NEIL3: variants seen among roughly 807,000 people sequenced by gnomAD.
The protein encoded by NEIL3 is endonuclease 8-like 3.
In NEIL3, 48 loss-of-function variants were observed where a neutral mutation model predicts 57.5. The observed-to-expected ratio is 0.83, with a 90% CI of 0.66 to 1.06. The LOEUF is 1.06. Ranked by LOEUF, NEIL3 falls within the 50% of genes least tolerant of loss-of-function variation. NEIL3 has a pLI of 0.00. For missense variants in NEIL3, 717 were observed against 739.1 expected (o/e 0.97, Z 0.35); for synonymous variants, 261 against 253.2 (o/e 1.03, Z -0.29).
intron 8 of NEIL3, among the ~76,000 whole-genome samples, chr4:177,355,640 C>T (rs749311512): frequency 2.0e-5 from 3 of 152,126 alleles, no homozygotes; most frequent in Non-Finnish European, 2.9e-5. Context: ...GATTCACTGG[C>T]TTTTCCTCTT....
Position 177,311,799 on chromosome 4 carries a change from G to A in NEIL3, c.156+1690G>A, listed in dbSNP as rs957546760. Among the ~76,000 whole-genome samples, 47 of 151,926 alleles carry A rather than the reference G, an allele frequency of 3.1e-4. 1 individual carries two copies. The highest frequency in any genetic ancestry group is 1.1e-3 in the African/African-American group (46 of 41,380). On this transcript the variant is annotated intron_variant, in intron 1 of 9. Coordinates refer to ENST00000264596, the MANE Select transcript of NEIL3 (RefSeq NM_018248.3). ...GACACTGCCCTCTCATTTAGGAGTC[G>A]ACTGCAGAAATCCAGGTGACAAATT...
intron 3 of NEIL3, 74 bp from the exon 4 acceptor site, chr4:177,336,034 A>G (rs1734972267): frequency 7.7e-7 from 1 of 1,293,572 alleles, no homozygotes; most frequent in Non-Finnish European, 1.1e-6. Flanking sequence ...CTTATAGCAA[A>G]GCTCATTTTA....
intron 2 of NEIL3, among the ~76,000 whole-genome samples, chr4:177,326,654 A>T (rs1405728971): frequency 6.6e-6 from 1 of 152,134 alleles, no homozygotes; most frequent in African/African-American, 2.4e-5. Context: ...GATAATTCAC[A>T]TGCTAACATT....
intron 8 of NEIL3, 34 bp downstream of exon 8, chr4:177,353,762 T>C (rs774922831): frequency 6.6e-7 from 1 of 1,523,490 alleles, no homozygotes; most frequent in East Asian, 2.3e-5. Flanking sequence ...TTTAAGATAA[T>C]TGCTTTTTTT....
At chr4:177,333,765 G>A (rs1734924924) in intron 2 of NEIL3, among the ~76,000 whole-genome samples, 1 of 152,120 alleles carries the variant, frequency 6.6e-6, no homozygotes, top group African/African-American at 2.4e-5. Context: ...ATCTCCTTGG[G>A]TCCTACGTCT....
intron 8 of NEIL3, among the ~76,000 whole-genome samples, chr4:177,357,574 T>G (rs1160725822): frequency 1.3e-5 from 2 of 152,240 alleles, no homozygotes; most frequent in African/African-American, 4.8e-5. Flanking sequence ...TGATAGTTTT[T>G]GTCTGGTCTC....
At chr4:177,370,816 A>G in the NEIL3 span, among the ~76,000 whole-genome samples, 24,901 of 152,030 alleles carry the variant, frequency 0.16, 2,402 homozygotes, top group South Asian at 0.26. Context: ...TGGGAGGATC[A>G]CTTGAGCCAG....
intron 2 of NEIL3, among the ~76,000 whole-genome samples, chr4:177,330,854 G>A (rs1734871592): frequency 6.6e-6 from 1 of 151,966 alleles, no homozygotes; most frequent in Admixed American, 6.6e-5. Flanking sequence ...TTTATAATTA[G>A]AGTACACATT....
chr4:177,330,126 G>T (rs778070144), intron 2 of NEIL3, among the ~76,000 whole-genome samples: 28 of 152,118 alleles, frequency 1.8e-4, no homozygotes, highest in Non-Finnish European at 3.8e-4. Context: ...TGCCCAGGCT[G>T]GTCTCAAACT....
downstream of NEIL3, among the ~76,000 whole-genome samples, chr4:177,366,081 G>T (rs1735688571): frequency 6.6e-6 from 1 of 152,090 alleles, no homozygotes; most frequent in Admixed American, 6.6e-5. Context: ...AATAAAGCCA[G>T]GTGGAAATCC....
At chr4:177,317,047 G>A (rs963350503) in intron 1 of NEIL3, among the ~76,000 whole-genome samples, 1 of 152,126 alleles carries the variant, frequency 6.6e-6, no homozygotes, top group African/African-American at 2.4e-5. Context: ...GTACCTAGAA[G>A]AGTTTCTGCT....
chr4:177,335,807 C>G lies in NEIL3; in HGVS notation c.398C>G (p.Ser133Ter). ...AAAGATTTGATTTGTTTCTTTGACT[C>G]ATCAGTAGAACTCAGGTAAAAAAAA... ...LTKDLICFFD[S>*]SVELRNSMES... The change falls in exon 3 of 10, where the codon TCA (serine) becomes TGA (stop). Residue 133 changes from serine (S) to a stop codon, truncating the protein, a stop_gained. Transcript: ENST00000264596. LOFTEE classifies it high-confidence loss of function. 1 of 1,562,476 alleles carries G rather than the reference C, an allele frequency of 6.4e-7. No individual in the cohort carries two copies. Among genetic ancestry groups the G allele is most frequent in the South Asian group, 1.2e-5 (1 of 81,432 alleles).
chr4:177,353,977 G>C, intron 8 of NEIL3: 1 of 385,704 alleles, frequency 2.6e-6, no homozygotes, highest in Non-Finnish European at 4.7e-6. Context: ...TGTTGGCCAG[G>C]CTGGTCTCAA....
intron 2 of NEIL3, among the ~76,000 whole-genome samples, chr4:177,325,091 G>A (rs1734756588): frequency 6.6e-6 from 1 of 152,094 alleles, no homozygotes; most frequent in Non-Finnish European, 1.5e-5. Context: ...CTATATCTGA[G>A]ATATTTTGGA....
chr4:177,368,583 T>A, the NEIL3 span, among the ~76,000 whole-genome samples: 2 of 152,244 alleles, frequency 1.3e-5, no homozygotes, highest in East Asian at 3.8e-4. Context: ...TCACAGAATC[T>A]TACCAAGTAT....
intron 2 of NEIL3, among the ~76,000 whole-genome samples, chr4:177,335,437 T>C (rs1734955137): frequency 6.6e-6 from 1 of 152,178 alleles, no homozygotes; most frequent in African/African-American, 2.4e-5. Context: ...GTTGGTACCA[T>C]ATTATTTCTT....
intron 7 of NEIL3, among the ~76,000 whole-genome samples, chr4:177,352,690 C>T (rs1407542279): frequency 4.6e-5 from 7 of 151,964 alleles, no homozygotes; most frequent in Non-Finnish European, 8.8e-5. Context: ...ATTAGCCAGG[C>T]GTGCTGGCGG....
At chr4:177,361,865 A>G (rs1407168629) in intron 9 of NEIL3, among the ~76,000 whole-genome samples, 1 of 152,006 alleles carries the variant, frequency 6.6e-6, no homozygotes, top group African/African-American at 2.4e-5. Context: ...TGCTCAAGCT[A>G]TCCTCCCACC....
At chr4:177,324,020 C>T (rs962318341) in intron 2 of NEIL3, among the ~76,000 whole-genome samples, 1 of 152,250 alleles carries the variant, frequency 6.6e-6, no homozygotes, top group African/African-American at 2.4e-5. Flanking sequence ...TTGGATGTAA[C>T]AATTCAAGGT....
Sources: allele counts gnomAD v4.1 joint callset (sites outside exome capture counted in the v4.1 genomes callset), GRCh38; gene constraint gnomAD v4.1.1; transcripts MANE v1.5; gene names NCBI Gene and HGNC (gene_info 2026-07-23, HGNC 2026-07-21).